Variants in GLYAT observed in about 807,000 individuals in gnomAD.
The protein encoded by GLYAT is glycine N-acyltransferase.
GLYAT carries 25 observed loss-of-function variants against 22.8 expected under a neutral mutation model. The observed-to-expected ratio is 1.09, with a 90% CI of 0.80 to 1.53. GLYAT has a LOEUF of 1.53. Ranked by LOEUF, GLYAT falls within the 40% of genes most tolerant of loss-of-function variation. The pLI is 0.00. For missense variants in GLYAT, 411 were observed against 353.9 expected (o/e 1.16, Z -1.29); for synonymous variants, 140 against 122.7 (o/e 1.14, Z -0.93).
At position 58,710,013 on chromosome 11, in the gene GLYAT, G is replaced by A. The variant is rs958924955; in HGVS notation, c.644C>T (p.Thr215Ile). ...PTCCLLGPEG[T>I]PVCWDLMDQT... ...GTCCATTAGATCCCAGCACACAGGG[G>A]TCCCCTCAGGCCCCAGGAGACAGCA... The change falls in exon 6 of 6, where the codon ACC (threonine) becomes ATC (isoleucine). Residue 215 changes from threonine (T) to isoleucine (I), a missense_variant. By Grantham distance (89) the Thr-to-Ile change is moderately conservative. Coordinates refer to ENST00000344743, the MANE Select transcript of GLYAT (RefSeq NM_201648.3). The A allele has an allele frequency of 6.2e-7, 1 of 1,614,074 alleles. No homozygotes were observed.
At chr11:58,725,589 C>T (rs1176598900) in intron 1 of GLYAT, among the ~76,000 whole-genome samples, 1 of 152,104 alleles carries the variant, frequency 6.6e-6, no homozygotes, top group African/African-American at 2.4e-5. Context: ...ATTCTTGCCT[C>T]CTCAACAGAA....
chr11:58,714,660 T>C (rs147004000), intron 3 of GLYAT, among the ~76,000 whole-genome samples: 3 of 152,058 alleles, frequency 2.0e-5, no homozygotes, highest in African/African-American at 7.2e-5. Context: ...TAAGTTTTCA[T>C]GAGATCTGAT....
At position 58,712,778 on chromosome 11, in the gene GLYAT, G is replaced by A. The variant is rs1411411265; in HGVS notation, c.298C>T (p.Gln100Ter). 4 of 1,612,786 alleles carry A rather than the reference G, an allele frequency of 2.5e-6. No individual in the cohort carries two copies. Among genetic ancestry groups the A allele is most frequent in the Non-Finnish European group, 3.4e-6 (4 of 1,178,998 alleles). ...TACTTACTTTGAATCTGTAAATGCT[G>A]TTTCCAGTTGATGAGTTCTGGTGAT... ...LGSPELINWKQHLQIQSSQPS... is the reference protein window; with the variant it reads ...LGSPELINWK Residue 100 changes from glutamine to a stop codon, truncating the protein, a stop_gained, in exon 4 of 6, where the codon CAG (glutamine) becomes TAG (stop). Transcript: ENST00000344743. LOFTEE classifies it high-confidence loss of function.
chr11:58,719,418 T>C (rs755123227), intron 2 of GLYAT, among the ~76,000 whole-genome samples: 1 of 152,038 alleles, frequency 6.6e-6, no homozygotes, highest in African/African-American at 2.4e-5. Flanking sequence ...AGTTGGTTAA[T>C]GCTTCAAGAG....
chr11:58,726,988 C>T (rs987582411), intron 1 of GLYAT, among the ~76,000 whole-genome samples: 3 of 151,522 alleles, frequency 2.0e-5, no homozygotes, highest in African/African-American at 7.3e-5. Flanking sequence ...TTAAGAAGTG[C>T]TGACTCAAAA....
At chr11:58,717,405 C>T (rs1856695358) in intron 2 of GLYAT, among the ~76,000 whole-genome samples, 1 of 151,916 alleles carries the variant, frequency 6.6e-6, no homozygotes, top group African/African-American at 2.4e-5. Context: ...ATTCTAAAAT[C>T]CATACATTAA....
intron 2 of GLYAT, among the ~76,000 whole-genome samples, chr11:58,720,931 G>A (rs1180849973): frequency 6.6e-6 from 1 of 151,904 alleles, no homozygotes; most frequent in Non-Finnish European, 1.5e-5. Flanking sequence ...ATTTATTAAA[G>A]ATTTTATTTA....
Position 58,710,395 on chromosome 11 carries a change from A to T in GLYAT, c.488+195T>A, listed in dbSNP as rs964137294. The T allele has an allele frequency of 6.6e-6, 5 of 752,214 alleles. No homozygotes were observed. The African/African-American group carries it at 8.8e-5, about 13-fold the overall frequency. The allele number at this position is 752,214 out of a possible 1,614,324, so 46.6% of individuals were successfully genotyped here. On this transcript the variant is annotated intron_variant, in intron 5 of 5. Transcript: ENST00000344743. ...CAAGTGGTAGCCAGAGGCCTGGTTT[A>T]TTCTAGATGAGAAGGGAGATGGTGG...
At chr11:58,728,151 C>T (rs1003718939) in intron 1 of GLYAT, among the ~76,000 whole-genome samples, 2 of 149,952 alleles carry the variant, frequency 1.3e-5, no homozygotes, top group East Asian at 2.0e-4. Flanking sequence ...CAACCTCCAC[C>T]TCCCAGGTTC....
At chr11:58,725,682 G>A (rs1856803984) in intron 1 of GLYAT, among the ~76,000 whole-genome samples, 2 of 152,264 alleles carry the variant, frequency 1.3e-5, no homozygotes, top group Admixed American at 6.5e-5. Flanking sequence ...AAAAACATCA[G>A]AGCAGGAGGG....
At chr11:58,710,349 G>C in intron 5 of GLYAT, 181 bp from the exon 6 acceptor site, 1 of 1,053,816 alleles carries the variant, frequency 9.5e-7, no homozygotes, top group Non-Finnish European at 1.3e-6. Flanking sequence ...GAGGAAGAAA[G>C]CAGGAAGGGC....
chr11:58,716,470 A>G (rs914709535), intron 2 of GLYAT, among the ~76,000 whole-genome samples: 1 of 152,090 alleles, frequency 6.6e-6, no homozygotes, highest in Non-Finnish European at 1.5e-5. Flanking sequence ...AGTTTATCTG[A>G]ATTAATTCTG....
At chr11:58,723,357 G>C (rs1313774679) in intron 2 of GLYAT, among the ~76,000 whole-genome samples, 1 of 151,930 alleles carries the variant, frequency 6.6e-6, no homozygotes, top group African/African-American at 2.4e-5. Flanking sequence ...CTTCAAGGTG[G>C]GTAACTTTAG....
chr11:58,721,292 G>C (rs1856746829), intron 2 of GLYAT, among the ~76,000 whole-genome samples: 1 of 151,650 alleles, frequency 6.6e-6, no homozygotes, highest in African/African-American at 2.4e-5. Flanking sequence ...ACAACATAAG[G>C]TACAGAGAGA....
At chr11:58,724,537 AG>A (rs746199546) in intron 1 of GLYAT, 26 bp from the exon 2 acceptor site, 2 of 1,271,604 alleles carry the variant, frequency 1.6e-6, no homozygotes, top group South Asian at 2.7e-5. Context: ...AGGAACATAC[AG>A]GATTGAGAAA....
At chr11:58,710,896 C>G (rs1012275160) in intron 4 of GLYAT, 135 bp from the exon 5 acceptor site, 7 of 579,650 alleles carry the variant, frequency 1.2e-5, no homozygotes, top group Non-Finnish European at 2.2e-5. Flanking sequence ...CTGTGTGACC[C>G]ATGTCAATAG....
intron 5 of GLYAT, chr11:58,710,382 A>T (rs1010641506): frequency 6.4e-6 from 5 of 780,306 alleles, no homozygotes; most frequent in Non-Finnish European, 7.9e-6. Flanking sequence ...AGTGGTAGCC[A>T]GAGGCCTGGT....
chr11:58,728,905 G>A (rs4127429), intron 1 of GLYAT, among the ~76,000 whole-genome samples: 3,132 of 90,096 alleles, frequency 0.035, 45 homozygotes, highest in African/African-American at 0.067. Context: ...AAGGAAGGAA[G>A]GAAGGAAGGA....
At chr11:58,717,208 C>A (rs1856692319) in intron 2 of GLYAT, among the ~76,000 whole-genome samples, 1 of 152,028 alleles carries the variant, frequency 6.6e-6, no homozygotes, top group Non-Finnish European at 1.5e-5. Context: ...TAAAATGAGT[C>A]TCTGGTCTCA....
Sources: allele counts gnomAD v4.1 joint callset (sites outside exome capture counted in the v4.1 genomes callset), GRCh38; gene constraint gnomAD v4.1.1; transcripts MANE v1.5; gene names NCBI Gene and HGNC (gene_info 2026-07-23, HGNC 2026-07-21).